TNIK: variants seen among roughly 807,000 people sequenced by gnomAD.
TNIK encodes TRAF2 and NCK-interacting protein kinase.
In TNIK, 49 loss-of-function variants were observed where a neutral mutation model predicts 191.3. The ratio of observed to expected loss-of-function variants is 0.26; its 90% CI spans 0.20 to 0.32. TNIK has a LOEUF of 0.32. Ranked by LOEUF, TNIK falls within the 10% of genes least tolerant of loss-of-function variation. The probability of loss-of-function intolerance (pLI) is 1.00; values close to 1 mark genes in which losing one functional copy is unlikely to be tolerated. For missense variants in TNIK, 1,155 were observed against 1,702.3 expected (o/e 0.68, Z 5.66); for synonymous variants, 594 against 600.9 (o/e 0.99, Z 0.17).
chr3:171,308,619 C>A (rs1366689941), intron 2 of TNIK, among the ~76,000 whole-genome samples: 1 of 152,086 alleles, frequency 6.6e-6, no homozygotes, highest in African/African-American at 2.4e-5. Context: ...AGAAAGCAAA[C>A]AACTTATGGA....
At chr3:171,322,836 TTTC>T (rs1215196084) in intron 2 of TNIK, among the ~76,000 whole-genome samples, 104 of 99,522 alleles carry the variant, frequency 1.0e-3, no homozygotes, top group African/African-American at 4.2e-3. Flanking sequence ...GTTGTTTTCT[TTTC>T]TTTTTTTTTT....
At chr3:171,280,645 CTAAAT>C (rs1750317189) in intron 2 of TNIK, among the ~76,000 whole-genome samples, 1 of 115,590 alleles carries the variant, frequency 8.7e-6, no homozygotes, top group Admixed American at 8.4e-5. Context: ...TAAACTGTCT[CTAAAT>C]TAAAAAAAAA....
intron 1 of TNIK, among the ~76,000 whole-genome samples, chr3:171,418,101 A>T (rs1449076788): frequency 6.6e-6 from 1 of 152,186 alleles, no homozygotes; most frequent in African/African-American, 2.4e-5. Flanking sequence ...AAAATTAAAC[A>T]GTGAGACTAG....
At chr3:171,397,553 C>A (rs937093207) in intron 1 of TNIK, among the ~76,000 whole-genome samples, 1 of 152,146 alleles carries the variant, frequency 6.6e-6, no homozygotes, top group Non-Finnish European at 1.5e-5. Flanking sequence ...TCCACATTCC[C>A]CTCATCTTGA....
intron 1 of TNIK, chr3:171,439,643 A>G (rs945791053): frequency 6.6e-6 from 1 of 152,146 alleles, no homozygotes; most frequent in African/African-American, 2.4e-5. Flanking sequence ...GTGTATTACT[A>G]TTATTATTAT....
chr3:171,411,381 C>T (rs192467130), intron 1 of TNIK, among the ~76,000 whole-genome samples: 2 of 152,076 alleles, frequency 1.3e-5, no homozygotes, highest in Admixed American at 1.3e-4. Context: ...CATTTCACTG[C>T]TATCTTCCAA....
chr3:171,411,605 A>G (rs1370354505), intron 1 of TNIK, among the ~76,000 whole-genome samples: 2 of 152,324 alleles, frequency 1.3e-5, no homozygotes, highest in East Asian at 3.9e-4. Flanking sequence ...TCCAAGCGGA[A>G]ATGAATAGAT....
At chr3:171,242,197 C>T (rs1745076892) in intron 2 of TNIK, among the ~76,000 whole-genome samples, 1 of 151,178 alleles carries the variant, frequency 6.6e-6, no homozygotes, top group East Asian at 1.9e-4. Flanking sequence ...CTTTTTGAAC[C>T]AAAGAGAACA....
intron 1 of TNIK, among the ~76,000 whole-genome samples, chr3:171,410,635 C>T (rs1722268299): frequency 6.6e-6 from 1 of 151,864 alleles, no homozygotes; most frequent in African/African-American, 2.4e-5. Context: ...AAAAATTGGC[C>T]AGGCGTGGTG....
chr3:171,207,083 CA>C (rs1379719784), intron 4 of TNIK, among the ~76,000 whole-genome samples: 1 of 151,960 alleles, frequency 6.6e-6, no homozygotes, highest in East Asian at 1.9e-4. Flanking sequence ...TTTCTACAGA[CA>C]ACTATAAAAT....
At chr3:171,130,241 A>C (rs540780872) in intron 15 of TNIK, among the ~76,000 whole-genome samples, 3 of 152,322 alleles carry the variant, frequency 2.0e-5, no homozygotes, top group East Asian at 3.9e-4. Context: ...TATACAAAGT[A>C]AGTCTGTTTT....
intron 2 of TNIK, among the ~76,000 whole-genome samples, chr3:171,325,497 T>C (rs145940251): frequency 6.6e-6 from 1 of 152,218 alleles, no homozygotes; most frequent in Non-Finnish European, 1.5e-5. Flanking sequence ...ATATGGAACA[T>C]ACTTATAATG....
chr3:171,354,097 C>T (rs761988442), intron 2 of TNIK, among the ~76,000 whole-genome samples: 3 of 152,056 alleles, frequency 2.0e-5, no homozygotes, highest in Non-Finnish European at 4.4e-5. Flanking sequence ...AATTTAGAAA[C>T]TCACTCCCAG....
At chr3:171,066,787 T>C in intron 30 of TNIK, 52 bp from the exon 31 acceptor site, 2 of 1,565,996 alleles carry the variant, frequency 1.3e-6, no homozygotes, top group South Asian at 2.4e-5. Flanking sequence ...TAAAACACCT[T>C]GACTATTCAT....
At chr3:171,284,422 C>A (rs1425938139) in intron 2 of TNIK, among the ~76,000 whole-genome samples, 2 of 152,002 alleles carry the variant, frequency 1.3e-5, no homozygotes, top group Non-Finnish European at 2.9e-5. Flanking sequence ...AACTTCACAC[C>A]CGCTTTCCAG....
At chr3:171,395,883 C>A (rs536853707) in intron 1 of TNIK, among the ~76,000 whole-genome samples, 17 of 152,186 alleles carry the variant, frequency 1.1e-4, no homozygotes, top group Non-Finnish European at 2.1e-4. Context: ...AGGGTAATGT[C>A]TTGAATTTTA....
At chr3:171,244,151 G>A (rs1232461344) in intron 2 of TNIK, among the ~76,000 whole-genome samples, 2 of 148,750 alleles carry the variant, frequency 1.3e-5, no homozygotes, top group South Asian at 2.1e-4. Context: ...TGCAAGCTCC[G>A]CCTCCCGGGT....
intron 2 of TNIK, among the ~76,000 whole-genome samples, chr3:171,245,687 A>G (rs925046675): frequency 6.6e-6 from 1 of 152,130 alleles, no homozygotes; most frequent in Admixed American, 6.5e-5. Context: ...TACAGTTTAC[A>G]TATTTCTTTT....
At chr3:171,454,698 T>G (rs757446798) in intron 1 of TNIK, among the ~76,000 whole-genome samples, 1 of 152,252 alleles carries the variant, frequency 6.6e-6, no homozygotes, top group Non-Finnish European at 1.5e-5. Context: ...TGCCATGCTG[T>G]TATCATTTTG....
Sources: gnomAD v4.1 joint callset for allele counts (sites outside exome capture counted in the v4.1 genomes callset) on GRCh38, gnomAD v4.1.1 for gene constraint, MANE v1.5 for transcripts, NCBI Gene and HGNC (gene_info 2026-07-23, HGNC 2026-07-21) for gene names.